Variants in ZNF462 observed in about 807,000 individuals in gnomAD.
The protein encoded by ZNF462 is zinc finger protein 462.
Under a neutral mutation model 201.9 loss-of-function variants are expected in ZNF462, and 10 were observed. That is an observed-to-expected ratio of 0.05 (90% confidence interval 0.03 to 0.08). ZNF462 has a LOEUF of 0.08. Ranked by LOEUF, ZNF462 falls within the 10% of genes least tolerant of loss-of-function variation. The pLI is 1.00. For missense variants in ZNF462, 2,523 were observed against 3,168.3 expected, an observed-to-expected ratio of 0.80 and a Z score of 4.89; for synonymous variants, 1,227 against 1,193.3, an observed-to-expected ratio of 1.03 and a Z score of -0.58.
chr9:107,001,494 A>G (rs552994533), intron 10 of ZNF462, among the ~76,000 whole-genome samples: 2 of 152,292 alleles, frequency 1.3e-5, no homozygotes, highest in African/African-American at 4.8e-5. Context: ...TTTATCCAGA[A>G]TCTAGTGGTT....
In ZNF462 at chr9:107,010,965, G is replaced by A. The variant is rs751546858; in HGVS notation, c.7456G>A (p.Val2486Ile). ...AGACTTTTCCCTAAAGAATGAAACAGTAGCCATCTGTGTAGTAACTGCCGA... is the reference window on the plus strand; with the variant it reads ...AGACTTTTCCCTAAAGAATGAAACAATAGCCATCTGTGTAGTAACTGCCGA... The part of the protein sequence containing the change: ...GIDFSLKNET[V>I]AICVVTADKS... The change falls in exon 13 of 13, where the codon GTA becomes ATA. Residue 2486 changes from valine (V) to isoleucine (I), a missense_variant. Around this residue, in one of 15 missense-constraint regions of ZNF462, gnomAD observed 67 missense variants for 63.2 expected, o/e 1.06. Transcript: ENST00000277225. The surrounding 1 kb of genome is among the most constrained non-coding windows in gnomAD (Gnocchi z 4.6). The A allele has an allele frequency of 1.8e-5, 29 of 1,613,774 alleles. No homozygotes were observed. In the South Asian group the frequency reaches 2.9e-4, roughly 16 times the overall value.
At chr9:106,987,329 A>G (rs533441318) in intron 10 of ZNF462, among the ~76,000 whole-genome samples, 3 of 152,048 alleles carry the variant, frequency 2.0e-5, no homozygotes, top group Non-Finnish European at 4.4e-5. Flanking sequence ...TATCTACTGG[A>G]TTTTTTAAAT....
rs867411474 is a variant in ZNF462, at chr9:106,888,116, A to G, written c.-31+24761A>G. 4.1e-5 allele frequency among the ~76,000 whole-genome samples: 6 copies of G among 148,014 alleles called. No individual in the cohort carries two copies. In the South Asian group the frequency reaches 6.4e-4, roughly 16 times the overall value. On this transcript the variant is annotated intron_variant, in intron 1 of 12. Transcript: ENST00000277225. ...GAGTGCAGTGGCGCGATCTCGGCTC[A>G]CTGCAAGCTCCGCCTCCCGGGTTCA...
Position 106,945,515 on chromosome 9 carries a change from C to T in ZNF462, c.6427+6408C>T, listed in dbSNP as rs116843716. ...AAAAATGAGGTGGTTTCTTTAAAAA[C>T]GACAATCATGAAATGGAGACTCCCA... On this transcript the variant is annotated intron_variant, in intron 7 of 12. Transcript: ENST00000277225. Among the ~76,000 whole-genome samples the T allele has an allele frequency of 1.3e-3, 204 of 152,202 alleles. 1 individual carries two copies. The East Asian group carries it at 0.034, about 25-fold the overall frequency.
chr9:106,949,213 A>G (rs1258196314), intron 7 of ZNF462, among the ~76,000 whole-genome samples: 2 of 152,164 alleles, frequency 1.3e-5, no homozygotes, highest in East Asian at 3.8e-4. Context: ...ATTATTAGCT[A>G]CCTTACCTGT....
chr9:106,900,259 A>G (rs1433438854), intron 1 of ZNF462, among the ~76,000 whole-genome samples: 2 of 138,406 alleles, frequency 1.4e-5, no homozygotes, highest in Non-Finnish European at 3.1e-5. Flanking sequence ...TGTGTATCTC[A>G]CAGTTTTTTA....
rs182131443 is a variant in ZNF462 at position 106,942,230 on chromosome 9, C to A, written c.6427+3123C>A. The stretch of plus-strand genomic sequence containing the variant: ...AATGCTTGCCGTCTTGAGAGTGAGC[C>A]AGTCTTCTCTGGCAGAGGGAAACAG... On this transcript the variant is annotated intron_variant, in intron 7 of 12. Coordinates refer to ENST00000277225, the MANE Select transcript of ZNF462 (RefSeq NM_021224.6). 1.3e-3 allele frequency among the ~76,000 whole-genome samples: 203 copies of A among 152,300 alleles called. 2 individuals carry two copies. Among genetic ancestry groups the A allele is most frequent in the Non-Finnish European group, 8.8e-5 (6 of 68,034 alleles).
At chr9:106,989,467 T>C (rs1828101613) in intron 10 of ZNF462, among the ~76,000 whole-genome samples, 1 of 152,106 alleles carries the variant, frequency 6.6e-6, no homozygotes, top group South Asian at 2.1e-4. Flanking sequence ...TTTTAGTGTC[T>C]GTGTTCATGA....
Position 106,930,945 on chromosome 9 carries a change from G to A in ZNF462, c.6012+256G>A, listed in dbSNP as rs894197259. On this transcript the variant is annotated intron_variant, in intron 4 of 12. Transcript: ENST00000277225. This position sits in a 1 kb window ranked among gnomAD's most constrained non-coding sequence, Gnocchi z 5.8. ...TGGCAGCAGAAGGTCCAGGATTCTC[G>A]GTCTAGGAGGCTTCGGGTCGTCCTT... 7 of 389,722 alleles carry A rather than the reference G, an allele frequency of 1.8e-5. No homozygotes were observed. Among genetic ancestry groups the A allele is most frequent in the African/African-American group, 4.0e-5 (2 of 49,696 alleles). The allele number at this position is 389,722 out of a possible 1,614,324, so 24.1% of individuals were successfully genotyped here.
In ZNF462 at chr9:106,927,204, TCCCCACCCC is replaced by T; in HGVS notation, c.3299_3307del (p.Pro1100_Pro1102del). 1.3e-6 allele frequency: 2 copies of T among 1,570,638 alleles called. No homozygotes were observed. ...GTCTCCCAAAATGTCCAACATGGGT[TCCCCACCCC>T]CCCCACAACCCCCGCCACCAGACCT... On this transcript the variant is annotated inframe_deletion, in exon 3 of 13. Transcript: ENST00000277225.
At position 106,954,600 on chromosome 9, in the gene ZNF462, T is replaced by C. The variant is rs1227834154; in HGVS notation, c.6427+15493T>C. 6.6e-6 allele frequency among the ~76,000 whole-genome samples: 1 copy of C among 152,156 alleles called. No homozygotes were observed. The highest frequency in any genetic ancestry group is 1.5e-5 in the Non-Finnish European group (1 of 68,018). ...CAGCTGCCTCATTCTCCCTATATTCTAGCCTAACTGGAATGAGCATCTCTC... is the reference window on the plus strand; with the variant it reads ...CAGCTGCCTCATTCTCCCTATATTCCAGCCTAACTGGAATGAGCATCTCTC... On this transcript the variant is annotated intron_variant, in intron 7 of 12. Coordinates refer to ENST00000277225, the MANE Select transcript of ZNF462 (RefSeq NM_021224.6). The surrounding 1 kb of genome is among the most constrained non-coding windows in gnomAD (Gnocchi z 4.0).
rs781426448 is a variant in ZNF462 at position 106,929,228 on chromosome 9, C to T, written c.5316C>T (p.Cys1772=). ...RAVEKKKCSL[C]SFQSFSKKGI... is the part of the protein sequence containing the mutation. ...TGGAGAAGAAAAAGTGCTCCTTGTG[C>T]TCTTTCCAGTCGTTCAGCAAGAAGG... The change falls in exon 3 of 13, where the codon TGC becomes TGT. Residue 1772 remains cysteine (C), a synonymous_variant. Transcript: ENST00000277225. This position sits in a 1 kb window ranked among gnomAD's most constrained non-coding sequence, Gnocchi z 8.7. 2 of 1,614,196 alleles carry T rather than the reference C, an allele frequency of 1.2e-6. No homozygotes were observed. The highest frequency in any genetic ancestry group is 1.1e-5 in the South Asian group (1 of 91,082).
At position 106,974,156 on chromosome 9, in the gene ZNF462, G is replaced by A. The variant is rs772048238; in HGVS notation, c.6715G>A (p.Val2239Met). Residue 2239 changes from valine (V) to methionine (M), a missense_variant, in exon 9 of 13, where the codon GTG becomes ATG. Val to Met is a conservative substitution (Grantham distance 21). Transcript: ENST00000277225. The surrounding 1 kb of genome is among the most constrained non-coding windows in gnomAD (Gnocchi z 4.0). ...TCCTAGATCTGCTTTTACTATGCAC[G>A]TGGAAGCTGGGCACTCAGCAGTTCC... The part of the protein sequence containing the change: ...TGFKSAFTMH[V>M]EAGHSAVPEE... 3.2e-5 allele frequency: 51 copies of A among 1,613,974 alleles called. No individual in the cohort carries two copies. The South Asian group carries it at 4.1e-4, about 13-fold the overall frequency.
chr9:106,884,753 A>G (rs769481828), intron 1 of ZNF462, among the ~76,000 whole-genome samples: 10 of 152,134 alleles, frequency 6.6e-5, no homozygotes, highest in East Asian at 5.8e-4. Context: ...TGTTTTTTCT[A>G]TTGACAATAA....
Position 106,970,099 on chromosome 9 carries a change from C to A in ZNF462, c.6428-1906C>A, listed in dbSNP as rs530609279. On this transcript the variant is annotated intron_variant, in intron 7 of 12. Transcript: ENST00000277225. The surrounding 1 kb of genome is among the most constrained non-coding windows in gnomAD (Gnocchi z 4.2). ...AAGTTGACAATTGCATTATTGTGAT[C>A]CAGAGTGGGTTCATCAGCTAGGGTA... Among the ~76,000 whole-genome samples the A allele has an allele frequency of 6.6e-6, 1 of 152,208 alleles. No homozygotes were observed. Among genetic ancestry groups the A allele is most frequent in the African/African-American group, 2.4e-5 (1 of 41,534 alleles).
intron 7 of ZNF462, among the ~76,000 whole-genome samples, chr9:106,971,458 A>C (rs1564141686): frequency 6.6e-6 from 1 of 152,072 alleles, no homozygotes; most frequent in Non-Finnish European, 1.5e-5. Flanking sequence ...TTTTATTTTT[A>C]AATACCATGA....
At chr9:106,918,099 A>ACTCCTGAC (rs1488503084) in intron 1 of ZNF462, among the ~76,000 whole-genome samples, 1 of 151,766 alleles carries the variant, frequency 6.6e-6, no homozygotes, top group Non-Finnish European at 1.5e-5. Flanking sequence ...CTGGTCTCGA[A>ACTCCTGAC]CTCCTGACCT....
rs1303253887 is a variant in ZNF462 at position 107,006,133 on chromosome 9, G to T, written c.7189+2707G>T. Among the ~76,000 whole-genome samples, 1 of 152,016 alleles carries T rather than the reference G, an allele frequency of 6.6e-6. No individual in the cohort carries two copies. Among genetic ancestry groups the T allele is most frequent in the Non-Finnish European group, 1.5e-5 (1 of 67,990 alleles). On this transcript the variant is annotated intron_variant, in intron 11 of 12. Coordinates refer to ENST00000277225, the MANE Select transcript of ZNF462 (RefSeq NM_021224.6). The surrounding 1 kb of genome is among the most constrained non-coding windows in gnomAD (Gnocchi z 4.3). ...CGGGTAGGGTGGTGCCTCCAACTTC[G>T]TTCTGTTTGTTTAAGATTTCTTTGG... is the stretch of plus-strand genomic sequence containing the variant.
chr9:106,867,915 AGAGATGCT>A (rs1827413341), intron 1 of ZNF462, among the ~76,000 whole-genome samples: 1 of 152,214 alleles, frequency 6.6e-6, no homozygotes, highest in South Asian at 2.1e-4. Context: ...ATTGGAGAAC[AGAGATGCT>A]GTTTCATAAT....
Sources: allele counts gnomAD v4.1 joint callset (sites outside exome capture counted in the v4.1 genomes callset), GRCh38; gene constraint gnomAD v4.1.1; regional missense constraint gnomAD v4.1.1; non-coding constraint Gnocchi (gnomAD v3.1); transcripts MANE v1.5; gene names NCBI Gene and HGNC (gene_info 2026-07-23, HGNC 2026-07-21).